CYP2F1: variants seen among roughly 807,000 people sequenced by gnomAD.
CYP2F1 encodes the protein cytochrome P450 family 2 subfamily F member 1.
In CYP2F1, 33 loss-of-function variants were observed where a neutral mutation model predicts 40.4. The ratio of observed to expected loss-of-function variants is 0.82; its 90% CI spans 0.62 to 1.09. The LOEUF (loss-of-function observed/expected upper bound fraction) is 1.09. Among genes scored for constraint, CYP2F1 ranks in the 50% least tolerant of loss-of-function variants. The pLI, the probability that CYP2F1 is intolerant of heterozygous loss-of-function variation, is 0.00. For synonymous variants in CYP2F1, 235 were observed against 277.2 expected, an observed-to-expected ratio of 0.85 and a Z score of 1.51; for missense variants, 566 against 655.7, an observed-to-expected ratio of 0.86 and a Z score of 1.49.
At chr19:41,115,412 CCT>C (rs1283109819) in intron 1 of CYP2F1, among the ~76,000 whole-genome samples, 6 of 152,124 alleles carry the variant, frequency 3.9e-5, no homozygotes, top group South Asian at 2.1e-4. Flanking sequence ...TCTATGTCAG[CCT>C]CTCTCTTTCT....
intron 7 of CYP2F1, chr19:41,123,485 T>C (rs1367766723): frequency 3.0e-6 from 1 of 334,110 alleles, no homozygotes; most frequent in African/African-American, 2.2e-5. Context: ...CCCAAAGTGC[T>C]GGGATTACAG....
intron 9 of CYP2F1, among the ~76,000 whole-genome samples, chr19:41,127,609 C>T (rs1268723054): frequency 1.3e-5 from 2 of 152,206 alleles, no homozygotes; most frequent in African/African-American, 4.8e-5. Flanking sequence ...GCTGGGATTA[C>T]AGGCCTAAGC....
At chr19:41,115,065 C>T (rs887170021) in intron 1 of CYP2F1, among the ~76,000 whole-genome samples, 14 of 152,044 alleles carry the variant, frequency 9.2e-5, no homozygotes, top group African/African-American at 1.7e-4. Flanking sequence ...CCACCGTGCC[C>T]GGCCTCAGTC....
intron 9 of CYP2F1, 22 bp from the exon 10 acceptor site, chr19:41,127,879 C>G: frequency 6.2e-7 from 1 of 1,603,678 alleles, no homozygotes; most frequent in South Asian, 1.1e-5. Context: ...CACCGCCGCT[C>G]CCCATCCTGC....
intron 1 of CYP2F1, among the ~76,000 whole-genome samples, chr19:41,114,968 C>A (rs62117446): frequency 6.6e-6 from 1 of 151,856 alleles, no homozygotes; most frequent in Admixed American, 6.6e-5. Flanking sequence ...CAGGGTTTCA[C>A]CATGTTGGCC....
chr19:41,115,343 A>G (rs2031730638), intron 1 of CYP2F1, among the ~76,000 whole-genome samples: 1 of 150,030 alleles, frequency 6.7e-6, no homozygotes, highest in South Asian at 2.1e-4. Flanking sequence ...TCTCCACTCA[A>G]TCTCCCTTGT....
chr19:41,121,152 G>A (rs1387976581), intron 4 of CYP2F1, among the ~76,000 whole-genome samples: 1 of 152,058 alleles, frequency 6.6e-6, no homozygotes, highest in Non-Finnish European at 1.5e-5. Flanking sequence ...GTTCCGTGAT[G>A]CCTGATGATT....
intron 4 of CYP2F1, 61 bp from the exon 5 acceptor site, chr19:41,121,397 G>T (rs1268214409): frequency 2.7e-6 from 4 of 1,501,804 alleles, no homozygotes; most frequent in East Asian, 2.3e-5. Context: ...TGGTGTTGCT[G>T]CATGAGGTCT....
rs1295266865 is a variant in CYP2F1, at chr19:41,128,024, T to C, written c.1418T>C (p.Leu473Pro). ...CCCGAGGACATCGACCTGACCCCAC[T>C]CAGCTCAGGTCTTGGCAATTTGCCG... Reference protein sequence around the residue: ...GAPEDIDLTPLSSGLGNLPRP... With the variant: ...GAPEDIDLTPPSSGLGNLPRP... Residue 473 changes from leucine (L) to proline (P), a missense_variant, in exon 10 of 10, where the codon CTC becomes CCC. Around this residue, in one of 5 missense-constraint regions of CYP2F1, gnomAD observed 85 missense variants for 84.9 expected, o/e 1.00. Transcript: ENST00000331105. The C allele has an allele frequency of 3.1e-6, 5 of 1,612,662 alleles. No homozygotes were observed. In the African/African-American group the frequency reaches 6.7e-5, roughly 22 times the overall value.
intron 9 of CYP2F1, among the ~76,000 whole-genome samples, chr19:41,127,211 GTTGTTAGAATTAAT>G (rs546920338): frequency 1.2e-4 from 19 of 152,332 alleles, no homozygotes; most frequent in African/African-American, 3.6e-4. Flanking sequence ...GCCTCTTGGA[GTTGTTAGAATTAAT>G]TGCGATGTAA....
At chr19:41,119,169 C>T (rs1297810110) in intron 3 of CYP2F1, among the ~76,000 whole-genome samples, 2 of 152,090 alleles carry the variant, frequency 1.3e-5, no homozygotes, top group Non-Finnish European at 2.9e-5. Flanking sequence ...CAGGAGAAGG[C>T]AGGGGGTGAA....
In CYP2F1 at chr19:41,121,971, C is replaced by T. The variant is rs2032240024; in HGVS notation, c.660C>T (p.Phe220=). 1 of 1,613,322 alleles carries T rather than the reference C, an allele frequency of 6.2e-7. No homozygotes were observed. Among genetic ancestry groups the T allele is most frequent in the South Asian group, 1.1e-5 (1 of 91,054 alleles). Residue 220 remains phenylalanine (F), a synonymous_variant, in exon 6 of 10, where the codon TTC becomes TTT. Coordinates refer to ENST00000331105, the MANE Select transcript of CYP2F1 (RefSeq NM_000774.5). The part of the protein sequence containing the change: ...SSPWGELYDI[F]PSLLDWVPGP... Reference sequence around the variant, plus strand: ...CTGGTCCCCAGTTGTACGACATCTTCCCGAGCCTCCTGGACTGGGTGCCTG... The same window carrying T: ...CTGGTCCCCAGTTGTACGACATCTTTCCGAGCCTCCTGGACTGGGTGCCTG...
At chr19:41,115,887 GTCTC>G (rs1431876715) in intron 1 of CYP2F1, among the ~76,000 whole-genome samples, 2 of 151,906 alleles carry the variant, frequency 1.3e-5, no homozygotes, top group Non-Finnish European at 2.9e-5. Context: ...CTGTTTTTCT[GTCTC>G]TCTCATTATC....
chr19:41,115,933 C>T (rs1056466979), intron 1 of CYP2F1, among the ~76,000 whole-genome samples: 3 of 151,986 alleles, frequency 2.0e-5, no homozygotes, highest in African/African-American at 4.8e-5. Context: ...CTCTTAGTCT[C>T]TGTTCCTCTA....
chr19:41,116,752 G>A, intron 3 of CYP2F1, 135 bp downstream of exon 3: 5 of 1,023,022 alleles, frequency 4.9e-6, no homozygotes, highest in Non-Finnish European at 5.7e-6. Context: ...ATGCAATGCA[G>A]CGAGGCAGTG....
In CYP2F1 at chr19:41,124,763, C is replaced by T. The variant is rs1455672925; in HGVS notation, c.1009C>T (p.Leu337=). 1.2e-6 allele frequency: 2 copies of T among 1,607,292 alleles called. No homozygotes were observed. The highest frequency in any genetic ancestry group is 8.5e-7 in the Non-Finnish European group (1 of 1,179,458). ...CGACCTCGTGGTGGGACGCGCGCGG[C>T]TGCCGGCGCTGAAGGACCGCGCGGC... ...EIDLVVGRAR[L]PALKDRAAMP... Residue 337 remains leucine, a synonymous_variant, in exon 8 of 10, where the codon CTG becomes TTG. Transcript: ENST00000331105.
chr19:41,127,169 A>C (rs1415795867), intron 9 of CYP2F1, among the ~76,000 whole-genome samples: 1 of 152,074 alleles, frequency 6.6e-6, no homozygotes, highest in African/African-American at 2.4e-5. Context: ...CTCAATGTCC[A>C]CATCTATAAA....
chr19:41,115,050 G>A (rs747752916), intron 1 of CYP2F1, among the ~76,000 whole-genome samples: 2 of 152,142 alleles, frequency 1.3e-5, no homozygotes, highest in South Asian at 2.1e-4. Flanking sequence ...GATTACAGGC[G>A]TGAGCCACCG....
At chr19:41,119,263 TC>T (rs2031996974) in intron 3 of CYP2F1, among the ~76,000 whole-genome samples, 1 of 152,184 alleles carries the variant, frequency 6.6e-6, no homozygotes, top group Non-Finnish European at 1.5e-5. Flanking sequence ...CTGGATGAAT[TC>T]CCAGTGTCCT....
Sources: allele counts gnomAD v4.1 joint callset (sites outside exome capture counted in the v4.1 genomes callset), GRCh38; gene constraint gnomAD v4.1.1; regional missense constraint gnomAD v4.1.1; transcripts MANE v1.5; gene names NCBI Gene and HGNC (gene_info 2026-07-23, HGNC 2026-07-21).